The following ITGB6 variants were observed in gnomAD, a reference collection of about 807,000 sequenced individuals.
The protein encoded by ITGB6 is integrin beta-6.
Under a neutral mutation model 84.5 loss-of-function variants are expected in ITGB6, and 80 were observed. The ratio of observed to expected loss-of-function variants is 0.95; its 90% CI spans 0.79 to 1.14. ITGB6 has a LOEUF of 1.14. ITGB6 is among the 50% of genes most tolerant of loss of function. ITGB6 has a pLI of 0.00. For missense variants in ITGB6, 1,006 were observed against 968.0 expected (o/e 1.04, Z -0.52); for synonymous variants, 383 against 354.9 (o/e 1.08, Z -0.89).
chr2:160,171,488 C>A (rs562738257), intron 6 of ITGB6, among the ~76,000 whole-genome samples: 3 of 152,102 alleles, frequency 2.0e-5, no homozygotes, highest in Non-Finnish European at 2.9e-5. Context: ...GCGCCCACCA[C>A]CACGCCCGGC....
chr2:160,188,869 G>T (rs562228254), intron 4 of ITGB6, among the ~76,000 whole-genome samples: 1 of 152,038 alleles, frequency 6.6e-6, no homozygotes, highest in African/African-American at 2.4e-5. Flanking sequence ...CTCCCAAAAC[G>T]CTGGGATTGC....
rs554692016 is a variant in ITGB6, at chr2:160,173,426, C to T, written c.759+548G>A. ...CCTCCCACCTTCTAGGAGCTTCAGC[C>T]CTGTTTATTTCCTGATATTTTTCAT... is the stretch of plus-strand genomic sequence containing the variant. On this transcript the variant is annotated intron_variant, in intron 5 of 14. Transcript: ENST00000283249. Among the ~76,000 whole-genome samples, 12 of 152,182 alleles carry T rather than the reference C, an allele frequency of 7.9e-5. No homozygotes were observed. The South Asian group carries it at 2.5e-3, about 32-fold the overall frequency.
intron 12 of ITGB6, among the ~76,000 whole-genome samples, chr2:160,122,151 A>G (rs1026121504): frequency 6.6e-5 from 10 of 152,102 alleles, no homozygotes; most frequent in African/African-American, 2.2e-4. Flanking sequence ...GGTATTAGTA[A>G]TCCAATTTTT....
At chr2:160,140,109 A>G (rs1179539627) in intron 8 of ITGB6, among the ~76,000 whole-genome samples, 1 of 152,198 alleles carries the variant, frequency 6.6e-6, no homozygotes, top group Non-Finnish European at 1.5e-5. Flanking sequence ...AATTCAGTCT[A>G]TGTGTTCCCA....
chr2:160,141,758 T>G (rs1470271403), intron 8 of ITGB6, among the ~76,000 whole-genome samples: 1 of 152,186 alleles, frequency 6.6e-6, no homozygotes, highest in Non-Finnish European at 1.5e-5. Flanking sequence ...ACCTCGACTT[T>G]ATGATCAGTT....
chr2:160,142,808 G>A (rs1451619102), intron 7 of ITGB6, among the ~76,000 whole-genome samples: 4 of 152,174 alleles, frequency 2.6e-5, no homozygotes, highest in African/African-American at 2.4e-5. Context: ...AATGAGGCAC[G>A]GCAAAGAAGG....
intron 7 of ITGB6, among the ~76,000 whole-genome samples, chr2:160,145,380 C>G (rs1318611788): frequency 6.6e-6 from 1 of 152,168 alleles, no homozygotes; most frequent in African/African-American, 2.4e-5. Context: ...GGTTGCTTTT[C>G]TCACTCATTC....
chr2:160,168,645 C>G (rs1032844404), intron 7 of ITGB6, among the ~76,000 whole-genome samples: 10 of 152,110 alleles, frequency 6.6e-5, no homozygotes, highest in African/African-American at 2.4e-4. Context: ...AAACCATTCC[C>G]TTTTTGCAGT....
At chr2:160,192,379 C>T (rs1292133805) in intron 4 of ITGB6, among the ~76,000 whole-genome samples, 1 of 152,080 alleles carries the variant, frequency 6.6e-6, no homozygotes, top group African/African-American at 2.4e-5. Context: ...AAAAGAAATT[C>T]TTGTGTAACA....
intron 9 of ITGB6, 67 bp from the exon 10 acceptor site, chr2:160,137,918 C>G (rs573875888): frequency 4.5e-6 from 7 of 1,556,072 alleles, no homozygotes; most frequent in Non-Finnish European, 6.1e-6. Flanking sequence ...CAAGGCTTCA[C>G]GGAAATCAGC....
rs771016146 is a variant in ITGB6 at position 160,138,092 on chromosome 2, T to C, written c.1215A>G (p.Lys405=). 6.2e-7 allele frequency: 1 copy of C among 1,613,574 alleles called. No individual in the cohort carries two copies. The highest frequency in any genetic ancestry group is 1.1e-5 in the South Asian group (1 of 90,878). Residue 405 remains lysine, a synonymous_variant, in exon 9 of 15, where the codon AAA becomes AAG. Transcript: ENST00000283249. ...NNGTLFQHQK[K]CSHMKVGDTA... is the part of the protein sequence containing the mutation. ...TGTCTCCCACTTTCATGTGAGAGCATTTCTTTTGGTGTTGGAAGAGGGTAC... is the reference window on the plus strand; with the variant it reads ...TGTCTCCCACTTTCATGTGAGAGCACTTCTTTTGGTGTTGGAAGAGGGTAC...
Position 160,138,187 on chromosome 2 carries a change from C to A in ITGB6, c.1120G>T (p.Glu374Ter), listed in dbSNP as rs181269473. 2.5e-6 allele frequency: 4 copies of A among 1,609,302 alleles called. No homozygotes were observed. The highest frequency in any genetic ancestry group is 3.4e-5 in the Admixed American group (2 of 58,678). ...TCTCCTAATACTTCCAGTTCCACCT[C>A]AGACCGCAGTTCCTTTAGTTACAAC... is the stretch of plus-strand genomic sequence containing the variant. ...IISAYEELRS[E>*]VELEVLGDTE... Residue 374 changes from glutamate to a stop codon, truncating the protein, a stop_gained, in exon 9 of 15, where the codon GAG becomes TAG. Transcript: ENST00000283249. LOFTEE classifies it high-confidence loss of function.
chr2:160,121,005 A>T (rs1396199879), intron 12 of ITGB6, among the ~76,000 whole-genome samples: 1 of 151,530 alleles, frequency 6.6e-6, no homozygotes, highest in African/African-American at 2.4e-5. Context: ...GCACATGTAT[A>T]CATATGTAAC....
chr2:160,186,311 G>A (rs1475691077), intron 4 of ITGB6, among the ~76,000 whole-genome samples: 1 of 148,826 alleles, frequency 6.7e-6, no homozygotes, highest in Admixed American at 6.7e-5. Flanking sequence ...CAAAGGATAT[G>A]AACAGACACT....
In ITGB6 at chr2:160,200,188, T is replaced by A; in HGVS notation, c.-125A>T. ...ATAACATTTTAAATACTACTTACACTGCTTTGAAAAGAAACTTGAGATATA... is the reference window on the plus strand; with the variant it reads ...ATAACATTTTAAATACTACTTACACAGCTTTGAAAAGAAACTTGAGATATA... On this transcript the variant is annotated 5_prime_UTR_variant, in exon 1 of 15. Coordinates refer to ENST00000283249, the MANE Select transcript of ITGB6 (RefSeq NM_000888.5). 1 of 697,826 alleles carries A rather than the reference T, an allele frequency of 1.4e-6. No individual in the cohort carries two copies. The highest frequency in any genetic ancestry group is 2.0e-5 in the South Asian group (1 of 51,118). The allele number at this position is 697,826 out of a possible 1,614,324, so 43.2% of individuals were successfully genotyped here. A position where few individuals can be genotyped will look rare whatever the true frequency, so the allele number is the denominator to read the frequency against.
intron 2 of ITGB6, among the ~76,000 whole-genome samples, chr2:160,197,989 G>T (rs945450936): frequency 3.3e-5 from 5 of 152,196 alleles, no homozygotes; most frequent in African/African-American, 7.2e-5. Flanking sequence ...TGGCTACCAA[G>T]TATTATACAC....
chr2:160,198,593 A>T (rs1049236482), intron 2 of ITGB6, among the ~76,000 whole-genome samples: 3 of 152,224 alleles, frequency 2.0e-5, no homozygotes, highest in African/African-American at 7.2e-5. Context: ...TACTGCTTTC[A>T]TGTAGTTTTC....
At chr2:160,124,592 C>T (rs1227750005) in intron 11 of ITGB6, among the ~76,000 whole-genome samples, 1 of 152,184 alleles carries the variant, frequency 6.6e-6, no homozygotes. Flanking sequence ...TAATCTTGTG[C>T]TGAAAATCAC....
At chr2:160,113,185 G>A (rs1682604768) in intron 12 of ITGB6, among the ~76,000 whole-genome samples, 1 of 152,150 alleles carries the variant, frequency 6.6e-6, no homozygotes, top group Admixed American at 6.5e-5. Flanking sequence ...CATTAAAACT[G>A]GGGCTGCCCC....
Sources: allele counts gnomAD v4.1 joint callset (sites outside exome capture counted in the v4.1 genomes callset), GRCh38; gene constraint gnomAD v4.1.1; transcripts MANE v1.5; gene names NCBI Gene and HGNC (gene_info 2026-07-23, HGNC 2026-07-21).